The following LMO7 variants were observed in gnomAD, a reference collection of about 807,000 sequenced individuals.
The protein encoded by LMO7 is LIM domain only protein 7.
In LMO7, 120 loss-of-function variants were observed where a neutral mutation model predicts 206.5. The ratio of observed to expected loss-of-function variants is 0.58; its 90% CI spans 0.50 to 0.68. The LOEUF (loss-of-function observed/expected upper bound fraction) is 0.68, where lower values mean the gene tolerates loss of function less well. Ranked by LOEUF, LMO7 falls within the 30% of genes least tolerant of loss-of-function variation. The pLI is 0.00. For missense variants in LMO7, 1,959 were observed against 1,957.9 expected, an observed-to-expected ratio of 1.00 and a Z score of -0.01; for synonymous variants, 706 against 681.5, an observed-to-expected ratio of 1.04 and a Z score of -0.56.
chr13:75,787,864 G>A (rs961713216), intron 4 of LMO7, among the ~76,000 whole-genome samples: 6 of 152,136 alleles, frequency 3.9e-5, no homozygotes, highest in African/African-American at 1.4e-4. Context: ...TACTTTTTTT[G>A]AGAGAAGGAA....
intron 4 of LMO7, among the ~76,000 whole-genome samples, chr13:75,780,607 A>G (rs1566444013): frequency 6.6e-6 from 1 of 152,196 alleles, no homozygotes; most frequent in African/African-American, 2.4e-5. Context: ...CAGGATCAAG[A>G]GGCGACATAC....
intron 1 of LMO7, among the ~76,000 whole-genome samples, chr13:75,711,687 G>A (rs1479769024): frequency 2.0e-5 from 3 of 152,186 alleles, no homozygotes; most frequent in African/African-American, 4.8e-5. Flanking sequence ...GAAATCACCC[G>A]TCTTCTGCGT....
At chr13:75,771,851 A>C (rs2049789757) in intron 4 of LMO7, among the ~76,000 whole-genome samples, 1 of 152,072 alleles carries the variant, frequency 6.6e-6, no homozygotes, top group Non-Finnish European at 1.5e-5. Flanking sequence ...AGAAACATAA[A>C]TTACAGTAAA....
At chr13:75,753,062 C>G (rs1184769246) in intron 3 of LMO7, among the ~76,000 whole-genome samples, 1 of 152,196 alleles carries the variant, frequency 6.6e-6, no homozygotes, top group African/African-American at 2.4e-5. Context: ...AGTGTATAAG[C>G]ATTCCTGTTT....
intron 4 of LMO7, among the ~76,000 whole-genome samples, chr13:75,764,102 G>C (rs1282294140): frequency 6.6e-6 from 1 of 151,866 alleles, no homozygotes; most frequent in East Asian, 1.9e-4. Context: ...TATTTATTTA[G>C]GGACTACATG....
intron 6 of LMO7, among the ~76,000 whole-genome samples, chr13:75,800,119 G>A (rs919075881): frequency 2.8e-4 from 42 of 152,340 alleles, no homozygotes; most frequent in African/African-American, 1.0e-3. Context: ...AAAAGTGAAT[G>A]AATTCTGTGA....
rs373270730 is a variant in LMO7, at chr13:75,849,319, C to T, written c.4364+27C>T. 1.4e-5 allele frequency: 22 copies of T among 1,524,270 alleles called. No individual in the cohort carries two copies. The African/African-American group carries it at 2.6e-4, about 18-fold the overall frequency. 94.4% of individuals were successfully genotyped at this position (1,524,270 alleles called of 1,614,324 possible). On this transcript the variant is annotated intron_variant, in intron 27 of 30. Coordinates refer to ENST00000377534, the MANE Select transcript of LMO7 (RefSeq NM_001306080.2). ...TGCGAGACATCTTAGGAATTGGTTT[C>T]TTGTCTTTACTGTGAGGCAGATATT... is the stretch of plus-strand genomic sequence containing the variant.
intron 2 of LMO7, among the ~76,000 whole-genome samples, chr13:75,624,062 C>A (rs981280065): frequency 6.6e-6 from 1 of 152,232 alleles, no homozygotes; most frequent in African/African-American, 2.4e-5. Context: ...CCAGCCATCT[C>A]TGCTTCAATG....
At chr13:75,622,578 A>G (rs942497075) in intron 1 of LMO7, among the ~76,000 whole-genome samples, 20 of 152,232 alleles carry the variant, frequency 1.3e-4, no homozygotes, top group African/African-American at 4.3e-4. Context: ...TTTAAGAACT[A>G]TAAGTCTAGA....
intron 1 of LMO7, among the ~76,000 whole-genome samples, chr13:75,673,397 A>G (rs2039751647): frequency 6.6e-6 from 1 of 152,170 alleles, no homozygotes; most frequent in East Asian, 1.9e-4. Context: ...TGTATCTTCC[A>G]GGAGAGCTAT....
At chr13:75,657,031 G>T (rs1348105517) in intron 1 of LMO7, among the ~76,000 whole-genome samples, 1 of 152,196 alleles carries the variant, frequency 6.6e-6, no homozygotes, top group African/African-American at 2.4e-5. Context: ...CAGTGTGATT[G>T]GTATCTTTAT....
At chr13:75,709,425 G>A (rs1383373892) in intron 1 of LMO7, among the ~76,000 whole-genome samples, 1 of 151,794 alleles carries the variant, frequency 6.6e-6, no homozygotes, top group Non-Finnish European at 1.5e-5. Flanking sequence ...CAGTGTAAAA[G>A]TGTTCCTATT....
intron 6 of LMO7, 56 bp downstream of exon 6, chr13:75,796,805 C>T: frequency 9.6e-7 from 1 of 1,043,916 alleles, no homozygotes; most frequent in Non-Finnish European, 1.5e-6. Context: ...CACTGCTTTC[C>T]CTTCCTCCTC....
At chr13:75,711,742 A>G (rs1165184279) in intron 1 of LMO7, among the ~76,000 whole-genome samples, 1 of 152,130 alleles carries the variant, frequency 6.6e-6, no homozygotes, top group Admixed American at 6.5e-5. Flanking sequence ...CTATTTGGCC[A>G]TCTTGGCTCC....
intron 1 of LMO7, 89 bp downstream of exon 1, chr13:75,636,815 A>G (rs977314561): frequency 7.6e-7 from 1 of 1,317,556 alleles, no homozygotes; most frequent in African/African-American, 1.5e-5. Context: ...GTCACTCTGC[A>G]CTTTAGCCTC....
chr13:75,674,516 A>G (rs188168707), intron 1 of LMO7, among the ~76,000 whole-genome samples: 86 of 152,372 alleles, frequency 5.6e-4, no homozygotes, highest in African/African-American at 1.9e-3. Context: ...TGAATTTTAT[A>G]GAAAAATATA....
At chr13:75,803,816 T>C (rs1212735570) in intron 7 of LMO7, among the ~76,000 whole-genome samples, 1 of 147,374 alleles carries the variant, frequency 6.8e-6, no homozygotes, top group Non-Finnish European at 1.5e-5. Flanking sequence ...TACAAGCTTG[T>C]TTTTTTTTTT....
intron 3 of LMO7, among the ~76,000 whole-genome samples, chr13:75,744,045 C>A (rs1236337501): frequency 6.6e-6 from 1 of 152,086 alleles, no homozygotes; most frequent in Non-Finnish European, 1.5e-5. Context: ...AAATACTTGA[C>A]AGTAAATATC....
chr13:75,702,821 A>C (rs979067414), intron 1 of LMO7, among the ~76,000 whole-genome samples: 1 of 152,244 alleles, frequency 6.6e-6, no homozygotes, highest in Non-Finnish European at 1.5e-5. Context: ...TGAATGAATA[A>C]ATGAATGCTT....
Sources: gnomAD v4.1 joint callset for allele counts (sites outside exome capture counted in the v4.1 genomes callset) on GRCh38, gnomAD v4.1.1 for gene constraint, MANE v1.5 for transcripts, NCBI Gene and HGNC (gene_info 2026-07-23, HGNC 2026-07-21) for gene names.